RCAN2: variants seen among roughly 807,000 people sequenced by gnomAD.
RCAN2 encodes the protein regulator of calcineurin 2, also known as calcipressin-2.
A neutral mutation model predicts 23.6 loss-of-function variants in RCAN2; 9 were observed. The observed-to-expected ratio is 0.38, with a 90% CI of 0.23 to 0.67. The LOEUF is 0.67. Ranked by LOEUF, RCAN2 falls within the 30% of genes least tolerant of loss-of-function variation. RCAN2 has a pLI of 0.51. For missense variants in RCAN2, 273 were observed against 302.3 expected, an observed-to-expected ratio of 0.90 and a Z score of 0.72; for synonymous variants, 109 against 115.7, an observed-to-expected ratio of 0.94 and a Z score of 0.37.
intron 2 of RCAN2, chr6:46,325,467 T>C (rs1321522897): frequency 1.2e-6 from 2 of 1,614,138 alleles, no homozygotes; most frequent in Non-Finnish European, 8.5e-7. Flanking sequence ...CAGTCCATGC[T>C]AGGGGCTGGC....
At position 46,370,216 on chromosome 6, in the gene RCAN2, C is replaced by T. The variant is rs78620734; in HGVS notation, c.225+86536G>A. Among the ~76,000 whole-genome samples the T allele has an allele frequency of 4.3e-3, 659 of 152,290 alleles. 5 individuals are homozygous for T. The highest frequency in any genetic ancestry group is 0.015 in the African/African-American group (613 of 41,560). On this transcript the variant is annotated intron_variant, in intron 2 of 4. Transcript: ENST00000371374. Reference sequence around the variant, plus strand: ...CTCCTTCTGGACTTGGTCCTGAATACACATCTAAGTCATCTGTACCCTTGA... The same window carrying T: ...CTCCTTCTGGACTTGGTCCTGAATATACATCTAAGTCATCTGTACCCTTGA...
intron 2 of RCAN2, among the ~76,000 whole-genome samples, chr6:46,391,727 T>C (rs1446058040): frequency 1.3e-5 from 2 of 152,158 alleles, no homozygotes; most frequent in Non-Finnish European, 2.9e-5. Flanking sequence ...TTATTGAAGA[T>C]AAAAGTACCA....
At chr6:46,249,730 T>A (rs373744533) in intron 2 of RCAN2, among the ~76,000 whole-genome samples, 1 of 152,054 alleles carries the variant, frequency 6.6e-6, no homozygotes, top group Non-Finnish European at 1.5e-5. Flanking sequence ...ACGTGTAGAG[T>A]GCAGAAGAAA....
chr6:46,354,205 C>CTGTGTG lies in RCAN2; in HGVS notation c.225+102541_225+102546dup, dbSNP rs56237510. ...TACATGTGTATGGTGTGTTATTTTACTGTGTGTGTGTGTGTGTGTGTGTGT... is the reference window on the plus strand; with the variant it reads ...TACATGTGTATGGTGTGTTATTTTACTGTGTGTGTGTGTGTGTGTGTGTGTGTGTGT... On this transcript the variant is annotated intron_variant, in intron 2 of 4. Transcript: ENST00000371374. Among the ~76,000 whole-genome samples the CTGTGTG allele has an allele frequency of 5.0e-3, 669 of 133,046 alleles. 7 individuals are homozygous for CTGTGTG. Among genetic ancestry groups the CTGTGTG allele is most frequent in the African/African-American group, 0.017 (584 of 34,602 alleles). The allele number at this position is 133,046 out of a possible 152,430, so 87.3% of individuals were successfully genotyped here. A position where few individuals can be genotyped will look rare whatever the true frequency, so the allele number is the denominator to read the frequency against.
In RCAN2 at chr6:46,263,467, G is replaced by GTGTA. The variant is rs1554128468; in HGVS notation, c.226-14572_226-14571insTACA. ...GTCATCAGAGAGTGTGTGTGTGTGT[G>GTGTA]TGTGTGTATGTGTGTGTGTGTGTGT... On this transcript the variant is annotated intron_variant, in intron 2 of 4. Coordinates refer to ENST00000371374, the MANE Select transcript of RCAN2 (RefSeq NM_001251974.2). Among the ~76,000 whole-genome samples, 412 of 68,306 alleles carry GTGTA rather than the reference G, an allele frequency of 6.0e-3. 4 individuals carry two copies. The highest frequency in any genetic ancestry group is 0.016 in the African/African-American group (387 of 23,534). 44.8% of individuals were successfully genotyped at this position (68,306 alleles called of 152,430 possible).
chr6:46,440,430 A>C (rs1187057857), intron 2 of RCAN2, among the ~76,000 whole-genome samples: 1 of 152,120 alleles, frequency 6.6e-6, no homozygotes, highest in Non-Finnish European at 1.5e-5. Flanking sequence ...TTATTCTAAA[A>C]ATATCATATT....
chr6:46,368,700 A>G (rs919586208), intron 2 of RCAN2, among the ~76,000 whole-genome samples: 13 of 152,192 alleles, frequency 8.5e-5, no homozygotes, highest in Non-Finnish European at 1.5e-4. Flanking sequence ...TACAGCATAA[A>G]AAATAAAAAG....
chr6:46,470,129 A>G (rs561671795), intron 1 of RCAN2, among the ~76,000 whole-genome samples: 6 of 152,320 alleles, frequency 3.9e-5, no homozygotes, highest in African/African-American at 1.4e-4. Flanking sequence ...AAAATGAACT[A>G]AAACAACTTT....
intron 2 of RCAN2, among the ~76,000 whole-genome samples, chr6:46,272,274 G>A (rs1755388006): frequency 6.6e-6 from 1 of 152,168 alleles, no homozygotes; most frequent in South Asian, 2.1e-4. Flanking sequence ...AGTTAAATAT[G>A]GGTTACACCC....
chr6:46,261,545 G>T (rs986936289), intron 2 of RCAN2, among the ~76,000 whole-genome samples: 2 of 152,260 alleles, frequency 1.3e-5, no homozygotes, highest in East Asian at 1.9e-4. Flanking sequence ...TTATATGCCT[G>T]TATTTGGCTT....
chr6:46,248,528 T>TA (rs1479162298), intron 3 of RCAN2, among the ~76,000 whole-genome samples, 195 bp downstream of exon 3: 1 of 152,152 alleles, frequency 6.6e-6, no homozygotes, highest in African/African-American at 2.4e-5. Flanking sequence ...CTTGCTCTGG[T>TA]AGGCAGCTCT....
intron 1 of RCAN2, among the ~76,000 whole-genome samples, chr6:46,460,996 T>G (rs1768187776): frequency 6.6e-6 from 1 of 152,236 alleles, no homozygotes; most frequent in Non-Finnish European, 1.5e-5. Context: ...TTCCTCTAGC[T>G]AAAATTTAAT....
At chr6:46,230,660 C>G (rs1765852133) in intron 4 of RCAN2, among the ~76,000 whole-genome samples, 1 of 152,180 alleles carries the variant, frequency 6.6e-6, no homozygotes, top group Admixed American at 6.5e-5. Context: ...ACCCGACTTT[C>G]CAGGTACCAT....
chr6:46,420,544 CTTTTTT>C (rs965214233), intron 2 of RCAN2, among the ~76,000 whole-genome samples: 1 of 138,558 alleles, frequency 7.2e-6, no homozygotes, highest in African/African-American at 2.6e-5. Flanking sequence ...TTCTGATTAA[CTTTTTT>C]TTTTTTTTTT....
At chr6:46,376,985 AAAG>A (rs1242734312) in intron 2 of RCAN2, among the ~76,000 whole-genome samples, 1 of 152,202 alleles carries the variant, frequency 6.6e-6, no homozygotes, top group African/African-American at 2.4e-5. Flanking sequence ...ACTGGCCAAA[AAAG>A]AGATGTAATT....
chr6:46,291,691 T>C (rs1762567310), intron 2 of RCAN2, among the ~76,000 whole-genome samples: 1 of 152,024 alleles, frequency 6.6e-6, no homozygotes, highest in Admixed American at 6.6e-5. Flanking sequence ...GGACAAAACA[T>C]TTCCTAATCA....
chr6:46,242,058 T>C (rs1025954011), intron 4 of RCAN2, among the ~76,000 whole-genome samples: 1 of 152,202 alleles, frequency 6.6e-6, no homozygotes, highest in African/African-American at 2.4e-5. Flanking sequence ...CTTGGTATAA[T>C]AAAGGGAACT....
At chr6:46,263,477 G>GTGTGTA (rs1767189537) in intron 2 of RCAN2, among the ~76,000 whole-genome samples, 2 of 14,916 alleles carry the variant, frequency 1.3e-4, no homozygotes, top group Non-Finnish European at 2.9e-4. Flanking sequence ...GTGTGTGTAT[G>GTGTGTA]TGTGTGTGTG....
intron 4 of RCAN2, among the ~76,000 whole-genome samples, chr6:46,224,267 T>TA (rs1765573411): frequency 6.6e-6 from 1 of 152,224 alleles, no homozygotes; most frequent in Non-Finnish European, 1.5e-5. Context: ...GTTGACATAC[T>TA]AATCTTAATC....
Sources: allele counts gnomAD v4.1 joint callset (sites outside exome capture counted in the v4.1 genomes callset), GRCh38; gene constraint gnomAD v4.1.1; transcripts MANE v1.5; gene names NCBI Gene and HGNC (gene_info 2026-07-23, HGNC 2026-07-21).